The following ENTREP2 variants were observed in gnomAD, a reference collection of about 807,000 sequenced individuals.
The protein encoded by ENTREP2 is protein ENTREP2.
chr15:29,577,702 A>G, the ENTREP2 span, among the ~76,000 whole-genome samples: 4 of 152,198 alleles, frequency 2.6e-5, no homozygotes, highest in Non-Finnish European at 5.9e-5. Context: ...CCTTGGATGA[A>G]TGGATAAACA....
the ENTREP2 span, among the ~76,000 whole-genome samples, chr15:29,483,525 T>C: frequency 6.6e-6 from 1 of 152,262 alleles, no homozygotes; most frequent in Admixed American, 6.5e-5. Context: ...GTTTGCGTGT[T>C]GGCCTCTAGC....
chr15:29,397,921 TTTTTA>T, the ENTREP2 span, among the ~76,000 whole-genome samples: 3 of 152,050 alleles, frequency 2.0e-5, no homozygotes, highest in African/African-American at 7.2e-5. Flanking sequence ...AAGTACATTG[TTTTTA>T]TTTTATTTTT....
At chr15:29,415,100 T>C in the ENTREP2 span, among the ~76,000 whole-genome samples, 13 of 152,184 alleles carry the variant, frequency 8.5e-5, no homozygotes, top group Non-Finnish European at 1.8e-4. Context: ...CCATTCCTTC[T>C]GAAACTATTC....
At chr15:29,289,516 C>A in the ENTREP2 span, among the ~76,000 whole-genome samples, 1 of 152,090 alleles carries the variant, frequency 6.6e-6, no homozygotes, top group Non-Finnish European at 1.5e-5. Flanking sequence ...TGAACCTATG[C>A]ACCCCGAAAT....
the ENTREP2 span, among the ~76,000 whole-genome samples, chr15:29,413,640 C>T: frequency 5.9e-5 from 9 of 152,122 alleles, no homozygotes; most frequent in Non-Finnish European, 1.0e-4. Flanking sequence ...CCCCTACATA[C>T]GTACGGTATT....
the ENTREP2 span, among the ~76,000 whole-genome samples, chr15:29,580,920 G>A: frequency 0.031 from 4,663 of 152,164 alleles, 95 homozygotes; most frequent in Admixed American, 0.047. Context: ...CCCCTTTTAA[G>A]CCATCTATTC....
the ENTREP2 span, among the ~76,000 whole-genome samples, chr15:29,334,214 G>A: frequency 2.6e-5 from 4 of 152,254 alleles, no homozygotes; most frequent in South Asian, 4.1e-4. Flanking sequence ...AACTTCCCCG[G>A]GACATGATAA....
At chr15:29,512,977 T>G in the ENTREP2 span, among the ~76,000 whole-genome samples, 1 of 152,216 alleles carries the variant, frequency 6.6e-6, no homozygotes, top group African/African-American at 2.4e-5. Context: ...TGGGGAATAT[T>G]CACCCAAGGA....
At chr15:29,582,964 G>T in the ENTREP2 span, among the ~76,000 whole-genome samples, 2 of 152,004 alleles carry the variant, frequency 1.3e-5, no homozygotes, top group Admixed American at 1.3e-4. Flanking sequence ...TTTTTAAAAA[G>T]ATTTGAAATT....
the ENTREP2 span, among the ~76,000 whole-genome samples, chr15:29,447,916 A>T: frequency 6.6e-6 from 1 of 151,858 alleles, no homozygotes; most frequent in African/African-American, 2.4e-5. Flanking sequence ...TACAAAAAAA[A>T]TTAGCTGGGC....
chr15:29,413,909 T>C, the ENTREP2 span, among the ~76,000 whole-genome samples: 1 of 152,144 alleles, frequency 6.6e-6, no homozygotes, highest in African/African-American at 2.4e-5. Context: ...AGAAGGTCAT[T>C]ACATAATGGT....
the ENTREP2 span, among the ~76,000 whole-genome samples, chr15:29,175,281 G>A: frequency 3.9e-5 from 6 of 152,152 alleles, no homozygotes; most frequent in South Asian, 6.2e-4. Flanking sequence ...GTACCTCACC[G>A]GGTTCTTGTA....
the ENTREP2 span, among the ~76,000 whole-genome samples, chr15:29,483,537 G>A: frequency 6.6e-6 from 1 of 152,216 alleles, no homozygotes; most frequent in Non-Finnish European, 1.5e-5. Flanking sequence ...GCCTCTAGCT[G>A]TTCCAGCCCC....
chr15:29,347,035 A>G, the ENTREP2 span, among the ~76,000 whole-genome samples: 1 of 152,200 alleles, frequency 6.6e-6, no homozygotes, highest in Non-Finnish European at 1.5e-5. Flanking sequence ...AAAAGTTTGG[A>G]TTCATGTCAG....
the ENTREP2 span, among the ~76,000 whole-genome samples, chr15:29,210,977 C>T: frequency 1.2e-4 from 19 of 152,256 alleles, no homozygotes; most frequent in Admixed American, 2.6e-4. Flanking sequence ...CATTAAGATA[C>T]GTCCCAGAAT....
At chr15:29,456,142 G>A in the ENTREP2 span, among the ~76,000 whole-genome samples, 1 of 150,732 alleles carries the variant, frequency 6.6e-6, no homozygotes, top group South Asian at 2.1e-4. Context: ...CATGAAACCA[G>A]TCCCTGGTGC....
chr15:29,450,161 T>C, the ENTREP2 span, among the ~76,000 whole-genome samples: 1 of 152,204 alleles, frequency 6.6e-6, no homozygotes, highest in Non-Finnish European at 1.5e-5. Flanking sequence ...CTTTGTCAGA[T>C]GCATAGTTTG....
chr15:29,349,101 C>T, the ENTREP2 span, among the ~76,000 whole-genome samples: 144 of 152,326 alleles, frequency 9.5e-4, 4 homozygotes, highest in African/African-American at 3.4e-3. Context: ...TGTCTTCTTT[C>T]CAGACCCCCC....
At chr15:29,138,624 TATGTGC>T in the ENTREP2 span, among the ~76,000 whole-genome samples, 79 of 150,520 alleles carry the variant, frequency 5.2e-4, no homozygotes, top group African/African-American at 1.9e-3. Flanking sequence ...TATGTATGTG[TATGTGC>T]ATGTGTATAT....
Sources: gnomAD v4.1 joint callset for allele counts (sites outside exome capture counted in the v4.1 genomes callset) on GRCh38, gnomAD v4.1.1 for gene constraint, MANE v1.5 for transcripts, NCBI Gene and HGNC (gene_info 2026-07-23, HGNC 2026-07-21) for gene names.